Variants in NELL1 observed in about 807,000 individuals in gnomAD.
The protein encoded by NELL1 is protein kinase C-binding protein NELL1.
In NELL1, 76 loss-of-function variants were observed where a neutral mutation model predicts 107.4. The observed-to-expected ratio is 0.71, with a 90% CI of 0.59 to 0.86. The LOEUF (loss-of-function observed/expected upper bound fraction) is 0.86. NELL1 is among the 40% of genes least tolerant of loss of function. NELL1 has a pLI of 0.00. For missense variants in NELL1, 1,024 were observed against 1,005.5 expected, an observed-to-expected ratio of 1.02 and a Z score of -0.25; for synonymous variants, 353 against 341.2, an observed-to-expected ratio of 1.03 and a Z score of -0.38.
chr11:20,902,242 TC>T (rs773364528), intron 5 of NELL1, among the ~76,000 whole-genome samples: 27 of 152,076 alleles, frequency 1.8e-4, no homozygotes, highest in Non-Finnish European at 3.8e-4. Context: ...AAAAAAGTAT[TC>T]ATTGAAGAAA....
At chr11:21,516,325 A>T (rs1296079401) in intron 15 of NELL1, among the ~76,000 whole-genome samples, 1 of 152,214 alleles carries the variant, frequency 6.6e-6, no homozygotes, top group East Asian at 1.9e-4. Flanking sequence ...TTATAATTTT[A>T]GCATCTAGCA....
At chr11:21,148,756 G>A (rs1856043763) in intron 13 of NELL1, among the ~76,000 whole-genome samples, 1 of 152,194 alleles carries the variant, frequency 6.6e-6, no homozygotes, top group South Asian at 2.1e-4. Flanking sequence ...TTTCTGCCGA[G>A]AAATTGCCAA....
At chr11:21,558,924 T>C (rs1311598161) in intron 16 of NELL1, among the ~76,000 whole-genome samples, 1 of 151,988 alleles carries the variant, frequency 6.6e-6, no homozygotes, top group Non-Finnish European at 1.5e-5. Flanking sequence ...ACACTGAGAA[T>C]GGGATGGGCA....
In NELL1 at chr11:20,783,701, C is replaced by T. The variant is rs1856896941; in HGVS notation, c.206C>T (p.Ala69Val). ...CTAGACATAGAAAGAGAGATCCATG[C>T]AGCTCCTCATGTGAGTGAGAAATTA... The part of the protein sequence containing the change: ...LFQDIEREIH[A>V]APHVSEKLIQ... Residue 69 changes from alanine to valine, a missense_variant, in exon 3 of 20, where the codon GCA (alanine) becomes GTA (valine). Coordinates refer to ENST00000357134, the MANE Select transcript of NELL1 (RefSeq NM_006157.5). 3 of 1,613,426 alleles carry T rather than the reference C, an allele frequency of 1.9e-6. No homozygotes were observed. The highest frequency in any genetic ancestry group is 2.5e-6 in the Non-Finnish European group (3 of 1,179,688).
chr11:21,204,010 TAACCC>T (rs1857332411), intron 13 of NELL1, among the ~76,000 whole-genome samples: 3 of 152,198 alleles, frequency 2.0e-5, no homozygotes, highest in Non-Finnish European at 2.9e-5. Context: ...CCTTTGTGGG[TAACCC>T]GACCTTACTC....
chr11:21,469,459 C>T (rs566312070), intron 15 of NELL1, among the ~76,000 whole-genome samples: 1 of 152,120 alleles, frequency 6.6e-6, no homozygotes, highest in African/African-American at 2.4e-5. Context: ...CTTAGAATTT[C>T]ATAATTTCAG....
At chr11:21,188,723 A>G (rs1166663630) in intron 13 of NELL1, among the ~76,000 whole-genome samples, 2 of 151,968 alleles carry the variant, frequency 1.3e-5, no homozygotes, top group East Asian at 3.9e-4. Context: ...CAGAGTTTCC[A>G]TTTACCTGCT....
At chr11:21,470,304 G>A (rs867402375) in intron 15 of NELL1, among the ~76,000 whole-genome samples, 5 of 152,150 alleles carry the variant, frequency 3.3e-5, no homozygotes, top group Middle Eastern at 6.8e-3. Context: ...ACTCGAGAGA[G>A]CAAAGTCTGA....
chr11:21,218,281 C>T (rs1486456940), intron 13 of NELL1, among the ~76,000 whole-genome samples: 2 of 152,084 alleles, frequency 1.3e-5, no homozygotes, highest in South Asian at 2.1e-4. Context: ...CCTATCTGTT[C>T]ACAACCATTC....
At chr11:20,918,287 A>T (rs750476911) in intron 6 of NELL1, 33 bp downstream of exon 6, 4 of 1,264,656 alleles carry the variant, frequency 3.2e-6, no homozygotes, top group Non-Finnish European at 4.6e-6. Flanking sequence ...GTGATATATT[A>T]TATAACTTGT....
intron 2 of NELL1, among the ~76,000 whole-genome samples, chr11:20,778,100 C>T (rs1300227925): frequency 6.6e-6 from 1 of 152,184 alleles, no homozygotes; most frequent in African/African-American, 2.4e-5. Context: ...AGTGAGTGCC[C>T]TCTTCTCCCT....
chr11:21,101,287 C>T (rs986707935), intron 12 of NELL1, among the ~76,000 whole-genome samples: 7 of 152,120 alleles, frequency 4.6e-5, no homozygotes, highest in East Asian at 3.9e-4. Flanking sequence ...TGAATAGTAC[C>T]GCAATAAACA....
intron 12 of NELL1, among the ~76,000 whole-genome samples, chr11:21,053,138 T>A (rs1056697170): frequency 1.3e-5 from 2 of 152,060 alleles, no homozygotes; most frequent in Non-Finnish European, 2.9e-5. Flanking sequence ...TTTATTATTA[T>A]ACTTTAAGTT....
chr11:20,674,517 G>T (rs1034956853), intron 1 of NELL1: 6 of 1,535,942 alleles, frequency 3.9e-6, no homozygotes, highest in Non-Finnish European at 4.4e-6. Context: ...CCGTGTTATC[G>T]CTGATATGGA....
chr11:20,888,275 GA>G (rs1200467790), intron 5 of NELL1, among the ~76,000 whole-genome samples: 2 of 151,888 alleles, frequency 1.3e-5, no homozygotes, highest in Non-Finnish European at 2.9e-5. Flanking sequence ...TTAAAATATA[GA>G]ACAGATACAT....
chr11:21,146,713 C>T (rs958399608), intron 13 of NELL1, among the ~76,000 whole-genome samples: 5 of 152,068 alleles, frequency 3.3e-5, no homozygotes, highest in African/African-American at 9.7e-5. Context: ...GTAAACAGAA[C>T]GGGAAGAAAA....
At chr11:20,947,901 A>C (rs895224482) in intron 11 of NELL1, among the ~76,000 whole-genome samples, 1 of 152,176 alleles carries the variant, frequency 6.6e-6, no homozygotes, top group African/African-American at 2.4e-5. Flanking sequence ...ATTGTTATGC[A>C]ACATTTTTAC....
intron 3 of NELL1, among the ~76,000 whole-genome samples, chr11:20,806,140 T>TTTTTTTTTTTTTTTTTTTTA (rs761796942): frequency 1.3e-5 from 2 of 150,754 alleles, no homozygotes; most frequent in Non-Finnish European, 3.0e-5. Flanking sequence ...TTTTTTTTTT[T>TTTTTTTTTTTTTTTTTTTTA]ATCAGATTGA....
chr11:21,528,098 GA>G (rs1855899170), intron 15 of NELL1, among the ~76,000 whole-genome samples: 1 of 152,170 alleles, frequency 6.6e-6, no homozygotes, highest in Non-Finnish European at 1.5e-5. Flanking sequence ...ATTTTACACA[GA>G]AGGAACTGAA....
Sources: gnomAD v4.1 joint callset for allele counts (sites outside exome capture counted in the v4.1 genomes callset) on GRCh38, gnomAD v4.1.1 for gene constraint, MANE v1.5 for transcripts, NCBI Gene and HGNC (gene_info 2026-07-23, HGNC 2026-07-21) for gene names.